The following NIBAN2 variants were observed in gnomAD, a reference collection of about 807,000 sequenced individuals.
The protein encoded by NIBAN2 is protein Niban 2.
NIBAN2 carries 36 observed loss-of-function variants against 81.8 expected under a neutral mutation model. That is an observed-to-expected ratio of 0.44 (90% CI 0.34 to 0.58). The LOEUF (loss-of-function observed/expected upper bound fraction) is 0.58, where lower values mean the gene tolerates loss of function less well. Ranked by LOEUF, NIBAN2 falls within the 20% of genes least tolerant of loss-of-function variation. The pLI is 0.02. For missense variants in NIBAN2, 897 were observed against 1,014.1 expected, an observed-to-expected ratio of 0.88 and a Z score of 1.57; for synonymous variants, 445 against 441.6, an observed-to-expected ratio of 1.01 and a Z score of -0.10.
In NIBAN2 at chr9:127,510,224, C is replaced by T. The variant is rs762112827; in HGVS notation, c.1083G>A (p.Val361=). 6.2e-7 allele frequency: 1 copy of T among 1,614,166 alleles called. No individual in the cohort carries two copies. Among genetic ancestry groups the T allele is most frequent in the East Asian group, 2.2e-5 (1 of 44,878 alleles). The change falls in exon 9 of 14, where the codon GTG becomes GTA. Residue 361 remains valine, a synonymous_variant. Coordinates refer to ENST00000373312, the MANE Select transcript of NIBAN2 (RefSeq NM_022833.4). The part of the protein sequence containing the change: ...MVPTSQGFTE[V]RDVFFKEVTD... ...TGACCTCCTTGAAGAAGACATCTCG[C>T]ACCTCAGTGAAGCCCTGGCTGGTGG...
Position 127,576,509 on chromosome 9 carries a change from C to T in NIBAN2, c.16+2413G>A, listed in dbSNP as rs138784053. Among the ~76,000 whole-genome samples, 516 of 152,228 alleles carry T rather than the reference C, an allele frequency of 3.4e-3. 3 individuals carry two copies. Among genetic ancestry groups the T allele is most frequent in the African/African-American group, 0.012 (478 of 41,554 alleles). On this transcript the variant is annotated intron_variant, in intron 1 of 13. Transcript: ENST00000373314. ...GGAAGCGCCCGTTCATTGCAGGCTC[C>T]TGTGCTCAGTTCAGTGCTTTATAGC...
At position 127,563,326 on chromosome 9, in the gene NIBAN2, C is replaced by T. The variant is rs1178278763; in HGVS notation, c.55+5494G>A. Among the ~76,000 whole-genome samples the T allele has an allele frequency of 2.0e-5, 3 of 152,262 alleles. No homozygotes were observed. Among genetic ancestry groups the T allele is most frequent in the Non-Finnish European group, 2.9e-5 (2 of 68,046 alleles). On this transcript the variant is annotated intron_variant, in intron 1 of 13. Coordinates refer to ENST00000373312, the MANE Select transcript of NIBAN2 (RefSeq NM_022833.4). This position sits in a 1 kb window ranked among gnomAD's most constrained non-coding sequence, Gnocchi z 4.1. ...GAGACAGCATCATCCCCAGACACTTCGCCCCCAGGGGCTGACCCGGACCTT... is the reference window on the plus strand; with the variant it reads ...GAGACAGCATCATCCCCAGACACTTTGCCCCCAGGGGCTGACCCGGACCTT...
Position 127,508,338 on chromosome 9 carries a change from C to T in NIBAN2, c.1434+84G>A. 3 of 1,381,702 alleles carry T rather than the reference C, an allele frequency of 2.2e-6. No individual in the cohort carries two copies. Among genetic ancestry groups the T allele is most frequent in the South Asian group, 1.2e-5 (1 of 85,994 alleles). The allele number at this position is 1,381,702 out of a possible 1,614,324, so 85.6% of individuals were successfully genotyped here. A position where few individuals can be genotyped will look rare whatever the true frequency, so the allele number is the denominator to read the frequency against. On this transcript the variant is annotated intron_variant, in intron 11 of 13. Transcript: ENST00000373312. The surrounding 1 kb of genome is among the most constrained non-coding windows in gnomAD (Gnocchi z 6.4). The stretch of plus-strand genomic sequence containing the variant: ...GGACCATGGCGCCTCCTTGCAGGGA[C>T]AGCAATCCTGGTGGTGGCCGGGGAT...
chr9:127,520,528 G>A (rs1174582132), intron 5 of NIBAN2, among the ~76,000 whole-genome samples: 1 of 152,128 alleles, frequency 6.6e-6, no homozygotes, highest in Non-Finnish European at 1.5e-5. Flanking sequence ...CTGAGCCACC[G>A]CACCCGCCCT....
rs1244452767 is a variant in NIBAN2, at chr9:127,517,346, C to T, written c.706-130G>A. The T allele has an allele frequency of 5.7e-6, 4 of 702,888 alleles. No homozygotes were observed. In the African/African-American group the frequency reaches 7.1e-5, roughly 13 times the overall value. The allele number at this position is 702,888 out of a possible 1,614,324, so 43.5% of individuals were successfully genotyped here. On this transcript the variant is annotated intron_variant, in intron 6 of 13. Transcript: ENST00000373312. The surrounding 1 kb of genome is among the most constrained non-coding windows in gnomAD (Gnocchi z 4.0). ...CGCGACTGGCCCATTGCTTCACCCT[C>T]CCTGCTGCCCTCTCTCCTGAGCTCC... is the stretch of plus-strand genomic sequence containing the variant.
intron 1 of NIBAN2, among the ~76,000 whole-genome samples, chr9:127,543,723 A>C (rs1318425362): frequency 1.3e-5 from 2 of 152,066 alleles, no homozygotes; most frequent in African/African-American, 2.4e-5. Flanking sequence ...CTCTGGCTGG[A>C]CCGCCCTTCC....
At chr9:127,578,980 C>A (rs1316109188) in exon 1 of NIBAN2, 4 of 1,582,028 alleles carry the variant, frequency 2.5e-6, no homozygotes, top group Non-Finnish European at 3.5e-6. Context: ...CGGAACTGGC[C>A]CAGTTCCTGA....
Position 127,525,092 on chromosome 9 carries a change from G to A in NIBAN2, c.387C>T (p.Asp129=). ...AGTTGCCAATGAGCTCCAGGTATTG[G>A]TCCACGGACGTGAGGATTTTGTAGC... is the stretch of plus-strand genomic sequence containing the variant. ...SAGYKILTSV[D]QYLELIGNSL... is the part of the protein sequence containing the mutation. The change falls in exon 4 of 14, where the codon GAC becomes GAT. Residue 129 remains aspartate, a synonymous_variant. Coordinates refer to ENST00000373312, the MANE Select transcript of NIBAN2 (RefSeq NM_022833.4). 1 of 1,614,154 alleles carries A rather than the reference G, an allele frequency of 6.2e-7. No individual in the cohort carries two copies. Among genetic ancestry groups the A allele is most frequent in the Non-Finnish European group, 8.5e-7 (1 of 1,179,988 alleles).
chr9:127,517,111 C>T lies in NIBAN2; in HGVS notation c.810+1G>A. On this transcript the variant is annotated splice_donor_variant, in intron 7 of 13. Coordinates refer to ENST00000373312, the MANE Select transcript of NIBAN2 (RefSeq NM_022833.4). LOFTEE classifies it high-confidence loss of function. This position sits in a 1 kb window ranked among gnomAD's most constrained non-coding sequence, Gnocchi z 4.0. ...CGCTCCAGGGCCCCAGGCCCACCCA[C>T]CTGGATCCACTGCCGCTGCCGCTCC... is the stretch of plus-strand genomic sequence containing the variant. 6.2e-7 allele frequency: 1 copy of T among 1,613,406 alleles called. No homozygotes were observed. The highest frequency in any genetic ancestry group is 8.5e-7 in the Non-Finnish European group (1 of 1,179,602).
At chr9:127,522,090 C>A (rs1015942375) in intron 5 of NIBAN2, among the ~76,000 whole-genome samples, 6 of 152,208 alleles carry the variant, frequency 3.9e-5, no homozygotes, top group African/African-American at 1.4e-4. Context: ...GGCGGGAGGG[C>A]CCTGGGCCAG....
Position 127,508,358 on chromosome 9 carries a change from G to A in NIBAN2, c.1434+64C>T, listed in dbSNP as rs535055303. ...AGGGACAGCAATCCTGGTGGTGGCCGGGGATGAGGCTCGGGGCTCGGCCTC... is the reference window on the plus strand; with the variant it reads ...AGGGACAGCAATCCTGGTGGTGGCCAGGGATGAGGCTCGGGGCTCGGCCTC... On this transcript the variant is annotated intron_variant, in intron 11 of 13. Coordinates refer to ENST00000373312, the MANE Select transcript of NIBAN2 (RefSeq NM_022833.4). The surrounding 1 kb of genome is among the most constrained non-coding windows in gnomAD (Gnocchi z 6.4). 77 of 1,447,902 alleles carry A rather than the reference G, an allele frequency of 5.3e-5. No homozygotes were observed. The highest frequency in any genetic ancestry group is 2.3e-4 in the Middle Eastern group (1 of 4,270). The allele number at this position is 1,447,902 out of a possible 1,614,324, so 89.7% of individuals were successfully genotyped here.
In NIBAN2 at chr9:127,505,919, T is replaced by G. The variant is rs997056634; in HGVS notation, c.*926A>C. On this transcript the variant is annotated 3_prime_UTR_variant, in exon 14 of 14. Coordinates refer to ENST00000373312, the MANE Select transcript of NIBAN2 (RefSeq NM_022833.4). ...GTACCCCTCAGGAGCCCCGTCCGGC[T>G]CCCCAGGCAACCACTGAGGACCTCG... The G allele has an allele frequency of 1.3e-5, 2 of 152,106 alleles. No homozygotes were observed. The highest frequency in any genetic ancestry group is 4.8e-5 in the African/African-American group (2 of 41,308). The allele number at this position is 152,106 out of a possible 1,614,324, so 9.4% of individuals were successfully genotyped here. A position where few individuals can be genotyped will look rare whatever the true frequency, so the allele number is the denominator to read the frequency against.
chr9:127,569,051 C>G lies in NIBAN2; in HGVS notation c.-177G>C. ...CTCCGGCTCCGCTCCCGGTCGGGCC[C>G]CGTCCCTCCAGCCGGCCGCCTTGGC... On this transcript the variant is annotated 5_prime_UTR_variant, in exon 1 of 14. Transcript: ENST00000373312. The G allele has an allele frequency of 1.8e-6, 2 of 1,092,388 alleles. No homozygotes were observed. The highest frequency in any genetic ancestry group is 4.4e-5 in the South Asian group (1 of 22,988). The allele number at this position is 1,092,388 out of a possible 1,614,324, so 67.7% of individuals were successfully genotyped here.
At chr9:127,528,409 T>G (rs1391117878) in intron 2 of NIBAN2, among the ~76,000 whole-genome samples, 1 of 152,138 alleles carries the variant, frequency 6.6e-6, no homozygotes, top group Non-Finnish European at 1.5e-5. Context: ...TAAGGTGCCT[T>G]TTGCAAAAAG....
Position 127,506,853 on chromosome 9 carries a change from C to CA in NIBAN2, c.2232dup (p.Glu745Ter). The CA allele has an allele frequency of 6.2e-7, 1 of 1,605,622 alleles. No individual in the cohort carries two copies. The highest frequency in any genetic ancestry group is 8.5e-7 in the Non-Finnish European group (1 of 1,176,314). ...GTCAGGGACCCACTGGCCTAGAACT[C>CA]AGTCTGCACCCCTGCACTGTCCTCG... On this transcript the variant is annotated frameshift_variant, in exon 14 of 14. Transcript: ENST00000373312. LOFTEE classifies it high-confidence loss of function.
chr9:127,551,814 CT>C (rs1392075836), intron 1 of NIBAN2, among the ~76,000 whole-genome samples: 8 of 152,222 alleles, frequency 5.3e-5, no homozygotes, highest in Non-Finnish European at 1.2e-4. Flanking sequence ...GCACCGATCT[CT>C]GGGAAGTTTT....
intron 1 of NIBAN2, among the ~76,000 whole-genome samples, chr9:127,560,427 G>A (rs1402771961): frequency 6.0e-5 from 9 of 150,926 alleles, no homozygotes; most frequent in Non-Finnish European, 7.4e-5. Context: ...CTGACCCACC[G>A]GTGCCACTTC....
intron 1 of NIBAN2, among the ~76,000 whole-genome samples, chr9:127,549,527 C>A (rs1837538112): frequency 6.6e-6 from 1 of 152,220 alleles, no homozygotes; most frequent in Non-Finnish European, 1.5e-5. Flanking sequence ...CGCACACTTA[C>A]ACATGTGCAC....
At chr9:127,567,522 GA>G (rs924543862) in intron 1 of NIBAN2, among the ~76,000 whole-genome samples, 2 of 152,210 alleles carry the variant, frequency 1.3e-5, no homozygotes, top group Non-Finnish European at 2.9e-5. Flanking sequence ...CTTGGCCCGG[GA>G]CCACAGTCAC....
Sources: gnomAD v4.1 joint callset for allele counts (sites outside exome capture counted in the v4.1 genomes callset) on GRCh38, gnomAD v4.1.1 for gene constraint, Gnocchi (gnomAD v3.1) non-coding constraint, MANE v1.5 for transcripts, NCBI Gene and HGNC (gene_info 2026-07-23, HGNC 2026-07-21) for gene names.